Variants in OSBPL10 observed in about 807,000 individuals in gnomAD.
OSBPL10 encodes the protein oxysterol binding protein like 10, also known as oxysterol-binding protein-related protein 10.
A neutral mutation model predicts 81.7 loss-of-function variants in OSBPL10; 49 were observed. The ratio of observed to expected loss-of-function variants is 0.60; its 90% CI spans 0.48 to 0.76. OSBPL10 has a LOEUF of 0.76. OSBPL10 is among the 30% of genes least tolerant of loss of function. The probability of loss-of-function intolerance (pLI) is 0.00; values close to 1 mark genes in which losing one functional copy is unlikely to be tolerated. For missense variants in OSBPL10, 923 were observed against 987.8 expected (o/e 0.93, Z 0.88); for synonymous variants, 419 against 383.6 (o/e 1.09, Z -1.08).
chr3:31,668,910 T>A, intron 9 of OSBPL10, 86 bp from the exon 10 acceptor site: 1 of 1,267,090 alleles, frequency 7.9e-7, no homozygotes, highest in Admixed American at 2.6e-5. Context: ...AGAGATTTTT[T>A]TTTTTAATCA....
At chr3:31,910,085 G>C (rs184741302) in intron 1 of OSBPL10, among the ~76,000 whole-genome samples, 1 of 150,192 alleles carries the variant, frequency 6.7e-6, no homozygotes, top group Non-Finnish European at 1.5e-5. Context: ...GGGTTCAAGC[G>C]ATTCTTCTGC....
intron 7 of OSBPL10, among the ~76,000 whole-genome samples, chr3:31,692,501 C>T (rs1367936866): frequency 6.6e-6 from 1 of 151,996 alleles, no homozygotes; most frequent in Non-Finnish European, 1.5e-5. Context: ...ATGTTGAAAG[C>T]TAAAATGACT....
rs781595361 is a variant in OSBPL10 at position 31,990,347 on chromosome 3, A to G, written n.298+56144T>C. On this transcript the variant is annotated intron_variant and non_coding_transcript_variant, in intron 2 of 3. Transcript: ENST00000479173. The stretch of plus-strand genomic sequence containing the variant: ...AATCATTGGAGAATCCATAATGAAG[A>G]GAGATCTTACAAGTGTAATAAATGT... The G allele has an allele frequency of 2.5e-6, 4 of 1,614,034 alleles. No individual in the cohort carries two copies. The African/African-American group carries it at 5.3e-5, about 22-fold the overall frequency.
intron 3 of OSBPL10, among the ~76,000 whole-genome samples, chr3:31,852,534 T>G (rs1700795883): frequency 6.6e-6 from 1 of 152,140 alleles, no homozygotes; most frequent in Admixed American, 6.5e-5. Flanking sequence ...TTTTGTGACA[T>G]TTGAGCAAGC....
chr3:31,797,484 T>C (rs1038311799), intron 4 of OSBPL10, among the ~76,000 whole-genome samples: 6 of 152,298 alleles, frequency 3.9e-5, no homozygotes, highest in Admixed American at 3.9e-4. Flanking sequence ...GGTGAAGCAA[T>C]GGCGGCAAGG....
At chr3:31,766,182 A>G (rs17028260) in intron 4 of OSBPL10, among the ~76,000 whole-genome samples, 10,136 of 152,106 alleles carry the variant, frequency 0.067, 689 homozygotes, top group African/African-American at 0.18. Context: ...TCTGGGTCAC[A>G]TGCCTGCCTG....
chr3:31,922,683 T>TA (rs1335337165), intron 1 of OSBPL10, among the ~76,000 whole-genome samples: 2 of 151,918 alleles, frequency 1.3e-5, no homozygotes, highest in Non-Finnish European at 2.9e-5. Flanking sequence ...TAATTTTTTT[T>TA]AAAAAACTGG....
In OSBPL10 at chr3:31,824,174, A is replaced by G. The variant is rs532347563; in HGVS notation, c.729+5866T>C. 6.3e-4 allele frequency among the ~76,000 whole-genome samples: 96 copies of G among 152,262 alleles called. 2 individuals are homozygous for G. Among genetic ancestry groups the G allele is most frequent in the African/African-American group, 2.2e-3 (93 of 41,536 alleles). ...CACGCCCTGCCCCTTTTTTAATTCTATAAAGACACCATGGTCAATGAAAGC... is the reference window on the plus strand; with the variant it reads ...CACGCCCTGCCCCTTTTTTAATTCTGTAAAGACACCATGGTCAATGAAAGC... On this transcript the variant is annotated intron_variant, in intron 4 of 11. Coordinates refer to ENST00000396556, the MANE Select transcript of OSBPL10 (RefSeq NM_017784.5).
At chr3:31,885,624 C>T (rs907308575) in intron 1 of OSBPL10, among the ~76,000 whole-genome samples, 2 of 151,986 alleles carry the variant, frequency 1.3e-5, no homozygotes, top group Non-Finnish European at 2.9e-5. Flanking sequence ...TTTCCTTTGT[C>T]GGGGAAGGAA....
intron 7 of OSBPL10, among the ~76,000 whole-genome samples, chr3:31,692,968 G>A (rs941932683): frequency 2.6e-5 from 4 of 152,250 alleles, no homozygotes; most frequent in South Asian, 2.1e-4. Flanking sequence ...AATGGAGATC[G>A]CATAACTGTG....
At chr3:31,871,453 C>T (rs1417127624) in intron 3 of OSBPL10, among the ~76,000 whole-genome samples, 1 of 152,206 alleles carries the variant, frequency 6.6e-6, no homozygotes, top group Non-Finnish European at 1.5e-5. Flanking sequence ...AAAGCTGTAA[C>T]ACTCACCGCA....
rs1373314863 is a variant in OSBPL10 at position 32,065,987 on chromosome 3, GAA to G, written n.185+11407_185+11408del. The stretch of plus-strand genomic sequence containing the variant: ...AGAAAGAAAGAAAGAAAGAAAGAAA[GAA>G]AGAAAGAAAGAAAGAAAGAGAAAGA... On this transcript the variant is annotated intron_variant and non_coding_transcript_variant, in intron 1 of 3. Transcript: ENST00000479173. Among the ~76,000 whole-genome samples, 102 of 64,876 alleles carry G rather than the reference GAA, an allele frequency of 1.6e-3. 25 individuals carry two copies. The East Asian group carries it at 0.057, about 36-fold the overall frequency. The allele number at this position is 64,876 out of a possible 152,430, so 42.6% of individuals were successfully genotyped here.
In OSBPL10 at chr3:31,670,901, C is replaced by T. The variant is rs3749405; in HGVS notation, c.1809G>A (p.Pro603=). ...TGACTTTTCCTCCGAGCTCCACCCA[C>T]GGGATGGTGAGAATGGACCGGGCGT... ...SAYARSILTI[P]WVELGGKVSI... Residue 603 remains proline (P), a synonymous_variant, in exon 9 of 12, where the codon CCG becomes CCA. Transcript: ENST00000396556. The T allele has an allele frequency of 0.38, 618,834 of 1,613,690 alleles. 127,974 individuals carry two copies. The highest frequency in any genetic ancestry group is 0.78 in the African/African-American group (58,180 of 74,926).
At chr3:31,896,234 T>C (rs746991505) in intron 1 of OSBPL10, among the ~76,000 whole-genome samples, 5 of 152,204 alleles carry the variant, frequency 3.3e-5, no homozygotes, top group Non-Finnish European at 5.9e-5. Flanking sequence ...GAAAGAGTTA[T>C]TGCATCACTT....
intron 6 of OSBPL10, among the ~76,000 whole-genome samples, chr3:31,709,700 G>A (rs1010184191): frequency 6.6e-6 from 1 of 152,148 alleles, no homozygotes; most frequent in Non-Finnish European, 1.5e-5. Context: ...CTTTTGGAGC[G>A]TGCCAGTATG....
intron 1 of OSBPL10, among the ~76,000 whole-genome samples, chr3:31,938,836 G>A (rs1697456617): frequency 2.0e-5 from 3 of 152,190 alleles, no homozygotes; most frequent in South Asian, 4.2e-4. Context: ...AAGCCTCAGG[G>A]TCCACCATCA....
At chr3:32,034,844 A>T (rs1177069832) in intron 2 of OSBPL10, among the ~76,000 whole-genome samples, 2 of 152,270 alleles carry the variant, frequency 1.3e-5, no homozygotes, top group Non-Finnish European at 2.9e-5. Context: ...TAATCAATAC[A>T]TGGTAAATCA....
intron 6 of OSBPL10, among the ~76,000 whole-genome samples, chr3:31,711,860 T>C (rs62237309): frequency 0.077 from 11,766 of 152,294 alleles, 580 homozygotes; most frequent in Non-Finnish European, 0.11. Flanking sequence ...GCATGCCTAT[T>C]ATATCTCAAT....
At chr3:31,684,472 C>T (rs910690473) in intron 7 of OSBPL10, among the ~76,000 whole-genome samples, 9 of 152,178 alleles carry the variant, frequency 5.9e-5, no homozygotes, top group African/African-American at 2.2e-4. Context: ...TTCTGTATTC[C>T]CCCTGCCATC....
Sources: allele counts gnomAD v4.1 joint callset (sites outside exome capture counted in the v4.1 genomes callset), GRCh38; gene constraint gnomAD v4.1.1; transcripts MANE v1.5; gene names NCBI Gene and HGNC (gene_info 2026-07-23, HGNC 2026-07-21).